Variants in SCN2A observed in about 807,000 individuals in gnomAD.
SCN2A encodes the protein sodium voltage-gated channel alpha subunit 2, also known as sodium channel protein type 2 subunit alpha.
A neutral mutation model predicts 188.7 loss-of-function variants in SCN2A; 20 were observed. The ratio of observed to expected loss-of-function variants is 0.11; its 90% CI spans 0.07 to 0.15. The LOEUF is 0.15. Ranked by LOEUF, SCN2A falls within the 10% of genes least tolerant of loss-of-function variation. The pLI is 1.00. For synonymous variants in SCN2A, 804 were observed against 833.1 expected (o/e 0.97, Z 0.60); for missense variants, 1,278 against 2,445.0 (o/e 0.52, Z 10.07).
intron 1 of SCN2A, chr2:165,267,191 G>T (rs769180068): frequency 2.0e-5 from 3 of 151,886 alleles, no homozygotes; most frequent in Non-Finnish European, 4.4e-5. Context: ...AACAGTCAAA[G>T]CAATCTTAAG....
At chr2:165,273,573 C>G (rs936258699) in intron 1 of SCN2A, 7 of 151,900 alleles carry the variant, frequency 4.6e-5, no homozygotes, top group African/African-American at 1.7e-4. Flanking sequence ...GAACTAAAAC[C>G]ATTCTCTCTC....
intron 25 of SCN2A, among the ~76,000 whole-genome samples, chr2:165,383,805 A>G (rs888356296): frequency 6.6e-6 from 1 of 152,120 alleles, no homozygotes; most frequent in African/African-American, 2.4e-5. Context: ...ACAACTGGAT[A>G]AATACTGATG....
chr2:165,242,529 T>C (rs1195089537), intron 1 of SCN2A, among the ~76,000 whole-genome samples: 3 of 152,028 alleles, frequency 2.0e-5, no homozygotes, highest in Non-Finnish European at 4.4e-5. Flanking sequence ...GAGAAGAGGT[T>C]TAGTTGAATG....
Position 165,374,842 on chromosome 2 carries a change from T to C in SCN2A, c.4130T>C (p.Val1377Ala), listed in dbSNP as rs754036604. Residue 1377 changes from valine (V) to alanine (A), a missense_variant, in exon 22 of 27, where the codon GTA (valine) becomes GCA (alanine). Physicochemically the swap from Val to Ala is moderately conservative, Grantham distance 64. Around this residue, in one of 17 missense-constraint regions of SCN2A, gnomAD observed 32 missense variants for 42.5 expected, o/e 0.75. Transcript: ENST00000375437. ...TACACCACTGGAGAGATGTTTGATG[T>C]AAGCGTGGTCAACAACTACAGTGAG... ...INYTTGEMFD[V>A]SVVNNYSECK... The C allele has an allele frequency of 1.2e-6, 2 of 1,613,624 alleles. No individual in the cohort carries two copies. Among genetic ancestry groups the C allele is most frequent in the Non-Finnish European group, 1.7e-6 (2 of 1,179,680 alleles).
intron 7 of SCN2A, 85 bp from the exon 8 acceptor site, chr2:165,311,940 T>A: frequency 1.2e-6 from 1 of 840,596 alleles, no homozygotes; most frequent in South Asian, 1.4e-5. Context: ...ATTGAAAACA[T>A]TTGTGAGCTT....
At chr2:165,325,032 G>A (rs1158465998) in intron 12 of SCN2A, among the ~76,000 whole-genome samples, 1 of 152,076 alleles carries the variant, frequency 6.6e-6, no homozygotes, top group Admixed American at 6.5e-5. Flanking sequence ...AGGAGAACAA[G>A]GTCTGGGAAT....
chr2:165,359,340 T>A (rs1359717267), intron 17 of SCN2A, among the ~76,000 whole-genome samples: 2 of 152,126 alleles, frequency 1.3e-5, no homozygotes, highest in Non-Finnish European at 2.9e-5. Context: ...AGCTTGTTTC[T>A]CGGAAAGAGG....
chr2:165,243,599 TAAAAAAA>T (rs761847245), intron 1 of SCN2A: 3 of 135,298 alleles, frequency 2.2e-5, no homozygotes, highest in Admixed American at 1.5e-4. Context: ...GAGACTCTGT[TAAAAAAA>T]AAAAAAAAAA....
Position 165,256,222 on chromosome 2 carries a change from C to T in SCN2A, c.-52+16582C>T, listed in dbSNP as rs527378451. 1.2e-4 allele frequency among the ~76,000 whole-genome samples: 18 copies of T among 152,080 alleles called. No homozygotes were observed. The South Asian group carries it at 3.7e-3, about 32-fold the overall frequency. ...ATTTCACCTTGTTGGTCAGGCTGAT[C>T]GCAAACTCCTGACCTCAGGTGATCC... is the stretch of plus-strand genomic sequence containing the variant. On this transcript the variant is annotated intron_variant, in intron 1 of 26. Coordinates refer to ENST00000375437, the MANE Select transcript of SCN2A (RefSeq NM_001040142.2).
intron 13 of SCN2A, chr2:165,328,163 T>C (rs1698462080): frequency 6.6e-6 from 1 of 152,258 alleles, no homozygotes; most frequent in South Asian, 2.1e-4. Context: ...TTAATACCAA[T>C]ACGAAAAGCC....
At chr2:165,256,034 C>G (rs1694307301) in intron 1 of SCN2A, among the ~76,000 whole-genome samples, 1 of 117,224 alleles carries the variant, frequency 8.5e-6, no homozygotes, top group African/African-American at 3.5e-5. Flanking sequence ...GATGGAGTCT[C>G]TCGCTCTGTC....
At chr2:165,261,165 A>C (rs548466498) in intron 1 of SCN2A, among the ~76,000 whole-genome samples, 1 of 152,274 alleles carries the variant, frequency 6.6e-6, no homozygotes, top group African/African-American at 2.4e-5. Flanking sequence ...TACAGATGCA[A>C]TTTTTAAAAA....
At chr2:165,348,833 A>G (rs1188705752) in intron 16 of SCN2A, among the ~76,000 whole-genome samples, 1 of 152,134 alleles carries the variant, frequency 6.6e-6, no homozygotes, top group Non-Finnish European at 1.5e-5. Context: ...TCTCTGCAGG[A>G]CCTTTTCCAT....
chr2:165,262,962 G>T (rs931729556), intron 1 of SCN2A, among the ~76,000 whole-genome samples: 1 of 152,094 alleles, frequency 6.6e-6, no homozygotes, highest in Admixed American at 6.6e-5. Context: ...ATATCTCATT[G>T]TGGTTTTGAT....
chr2:165,293,306 G>A (rs1322917580), intron 1 of SCN2A, among the ~76,000 whole-genome samples: 2 of 151,900 alleles, frequency 1.3e-5, no homozygotes, highest in African/African-American at 2.4e-5. Flanking sequence ...CCCTATTTAC[G>A]TCATGCTTTG....
At chr2:165,387,142 C>A in intron 26 of SCN2A, 126 bp downstream of exon 26, 1 of 992,632 alleles carries the variant, frequency 1.0e-6, no homozygotes, top group Non-Finnish European at 1.5e-6. Flanking sequence ...ATCTAATAGT[C>A]CATTGTTTTA....
At chr2:165,254,440 C>T (rs933328436) in intron 1 of SCN2A, among the ~76,000 whole-genome samples, 2 of 151,634 alleles carry the variant, frequency 1.3e-5, no homozygotes, top group African/African-American at 4.8e-5. Context: ...TTTATATTTG[C>T]TTCAAAAATA....
intron 1 of SCN2A, among the ~76,000 whole-genome samples, chr2:165,288,410 A>G (rs1472331344): frequency 6.9e-6 from 1 of 144,750 alleles, no homozygotes; most frequent in Non-Finnish European, 1.5e-5. Context: ...TTTTTTTTCT[A>G]TTTTAAGTAG....
In SCN2A at chr2:165,388,833, T is replaced by A; in HGVS notation, c.5027T>A (p.Ile1676Asn). ...LLFLVMFIYAIFGMSNFAYVK... is the reference protein window; with the variant it reads ...LLFLVMFIYANFGMSNFAYVK... ...TTCCTGGTCATGTTCATCTACGCCA[T>A]CTTTGGGATGTCCAATTTTGCCTAT... The change falls in exon 27 of 27, where the codon ATC (isoleucine) becomes AAC (asparagine). Residue 1676 changes from isoleucine (I) to asparagine (N), a missense_variant. By Grantham distance (149) the Ile-to-Asn change is moderately radical. Around this residue, in one of 17 missense-constraint regions of SCN2A, gnomAD observed 47 missense variants for 109.0 expected, o/e 0.43. Transcript: ENST00000375437. 6.2e-7 allele frequency: 1 copy of A among 1,614,104 alleles called. No individual in the cohort carries two copies. The highest frequency in any genetic ancestry group is 8.5e-7 in the Non-Finnish European group (1 of 1,179,998).
Sources: allele counts gnomAD v4.1 joint callset (sites outside exome capture counted in the v4.1 genomes callset), GRCh38; gene constraint gnomAD v4.1.1; regional missense constraint gnomAD v4.1.1; transcripts MANE v1.5; gene names NCBI Gene and HGNC (gene_info 2026-07-23, HGNC 2026-07-21).